Variants in MYOZ2 observed in about 807,000 individuals in gnomAD.
MYOZ2 encodes the protein myozenin-2.
A neutral mutation model predicts 25.4 loss-of-function variants in MYOZ2; 19 were observed. The observed-to-expected ratio is 0.75, with a 90% CI of 0.52 to 1.10. The LOEUF (loss-of-function observed/expected upper bound fraction) is 1.10, where lower values mean the gene tolerates loss of function less well. Among genes scored for constraint, MYOZ2 ranks in the 50% least tolerant of loss-of-function variants. The probability of loss-of-function intolerance (pLI) is 0.00; values close to 1 mark genes in which losing one functional copy is unlikely to be tolerated. For missense variants in MYOZ2, 270 were observed against 317.9 expected, an observed-to-expected ratio of 0.85 and a Z score of 1.15; for synonymous variants, 92 against 106.9, an observed-to-expected ratio of 0.86 and a Z score of 0.86.
intron 3 of MYOZ2, among the ~76,000 whole-genome samples, chr4:119,156,306 G>C (rs772861094): frequency 6.6e-6 from 1 of 151,358 alleles, no homozygotes; most frequent in Admixed American, 6.6e-5. Flanking sequence ...GGGGAATCTT[G>C]ATCTATGATC....
At chr4:119,137,938 C>A (rs559567885) in intron 2 of MYOZ2, among the ~76,000 whole-genome samples, 1 of 152,100 alleles carries the variant, frequency 6.6e-6, no homozygotes, top group East Asian at 1.9e-4. Context: ...TAAAATAGAC[C>A]TTTCATGTTA....
intron 5 of MYOZ2, among the ~76,000 whole-genome samples, chr4:119,183,939 T>C (rs958712854): frequency 2.6e-5 from 4 of 151,580 alleles, no homozygotes; most frequent in Non-Finnish European, 5.9e-5. Context: ...CTCAGCCTCC[T>C]GAGTAGCTGG....
rs573571722 is a variant in MYOZ2, at chr4:119,187,235, G to A, written c.*1035G>A. On this transcript the variant is annotated 3_prime_UTR_variant, in exon 6 of 6. Coordinates refer to ENST00000307128, the MANE Select transcript of MYOZ2 (RefSeq NM_016599.5). ...AGACACAAACTAATATAAAGTTATA[G>A]TTATATCTTAAAATATAATTGAAGA... 2 of 152,188 alleles carry A rather than the reference G, an allele frequency of 1.3e-5. No individual in the cohort carries two copies. The highest frequency in any genetic ancestry group is 4.8e-5 in the African/African-American group (2 of 41,534). The allele number at this position is 152,188 out of a possible 1,614,324, so 9.4% of individuals were successfully genotyped here. A position where few individuals can be genotyped will look rare whatever the true frequency, so the allele number is the denominator to read the frequency against.
chr4:119,184,601 A>G (rs929676824), intron 5 of MYOZ2, among the ~76,000 whole-genome samples: 1 of 152,202 alleles, frequency 6.6e-6, no homozygotes, highest in Non-Finnish European at 1.5e-5. Context: ...ATATTTTTGT[A>G]TATGTTTATG....
intron 5 of MYOZ2, among the ~76,000 whole-genome samples, chr4:119,176,572 T>C (rs1742077205): frequency 6.6e-6 from 1 of 152,172 alleles, no homozygotes; most frequent in South Asian, 2.1e-4. Context: ...TGATAAAATA[T>C]CATCTTGAAC....
rs1285305614 is a variant in MYOZ2, at chr4:119,186,572, T to C, written c.*372T>C. The C allele has an allele frequency of 4.3e-6, 1 of 235,262 alleles. No individual in the cohort carries two copies. Among genetic ancestry groups the C allele is most frequent in the African/African-American group, 2.3e-5 (1 of 42,582 alleles). The allele number at this position is 235,262 out of a possible 1,614,324, so 14.6% of individuals were successfully genotyped here. ...TCTAGAATCAAAATACAGGGAGAGA[T>C]ATGAAGACCTATTCAGAGTTTCATC... On this transcript the variant is annotated 3_prime_UTR_variant, in exon 6 of 6. Transcript: ENST00000307128.
intron 2 of MYOZ2, among the ~76,000 whole-genome samples, chr4:119,148,694 T>G (rs6834980): frequency 0.58 from 84,712 of 145,168 alleles, 27,193 homozygotes; most frequent in Non-Finnish European, 0.72. Context: ...ATTTTTGTTT[T>G]GTTCTTTATA....
chr4:119,167,760 G>C (rs911454820), intron 5 of MYOZ2, among the ~76,000 whole-genome samples: 2 of 152,166 alleles, frequency 1.3e-5, no homozygotes, highest in African/African-American at 4.8e-5. Context: ...GGGCCCTTGA[G>C]AATCATGCTA....
intron 2 of MYOZ2, among the ~76,000 whole-genome samples, chr4:119,143,270 A>G (rs934062702): frequency 1.3e-5 from 2 of 151,390 alleles, no homozygotes; most frequent in African/African-American, 2.4e-5. Context: ...ATCTCAGCTC[A>G]CTGCAACCTC....
chr4:119,164,158 G>A, intron 4 of MYOZ2, 53 bp from the exon 5 acceptor site: 1 of 1,511,048 alleles, frequency 6.6e-7, no homozygotes, highest in Non-Finnish European at 9.2e-7. Context: ...TTAGGTGGAG[G>A]TTAGTAACTC....
chr4:119,168,185 G>T (rs1481225533), intron 5 of MYOZ2, among the ~76,000 whole-genome samples: 1 of 152,164 alleles, frequency 6.6e-6, no homozygotes, highest in Non-Finnish European at 1.5e-5. Flanking sequence ...TGTTAGCCAG[G>T]ATGGTCTCTA....
chr4:119,166,294 C>T (rs1285308293), intron 5 of MYOZ2, among the ~76,000 whole-genome samples: 2 of 151,986 alleles, frequency 1.3e-5, no homozygotes, highest in Non-Finnish European at 2.9e-5. Context: ...AGGCCAGGTG[C>T]GTATGTACAG....
At chr4:119,153,159 G>A (rs1247022883) in intron 3 of MYOZ2, among the ~76,000 whole-genome samples, 1 of 149,772 alleles carries the variant, frequency 6.7e-6, no homozygotes, top group Admixed American at 6.7e-5. Context: ...TTAATGATCT[G>A]TGTGTTGCCC....
intron 5 of MYOZ2, among the ~76,000 whole-genome samples, chr4:119,174,743 C>G (rs961456216): frequency 7.2e-5 from 11 of 152,140 alleles, no homozygotes; most frequent in African/African-American, 2.7e-4. Flanking sequence ...CAGTGGCAAC[C>G]CGCTCGGGTC....
At chr4:119,162,842 A>G (rs1339436997) in intron 4 of MYOZ2, among the ~76,000 whole-genome samples, 1 of 152,228 alleles carries the variant, frequency 6.6e-6, no homozygotes, top group Non-Finnish European at 1.5e-5. Flanking sequence ...AAGTGATAAC[A>G]TTTGCTAAAA....
At chr4:119,175,985 C>T (rs188621553) in intron 5 of MYOZ2, among the ~76,000 whole-genome samples, 7 of 152,160 alleles carry the variant, frequency 4.6e-5, no homozygotes, top group East Asian at 1.9e-4. Context: ...TGTTCTGACC[C>T]GCCAGGTAGG....
intron 4 of MYOZ2, among the ~76,000 whole-genome samples, chr4:119,160,788 T>C (rs1382164050): frequency 6.6e-6 from 1 of 152,118 alleles, no homozygotes; most frequent in Admixed American, 6.5e-5. Context: ...CGTGTAATAA[T>C]TGTACATATT....
chr4:119,141,977 A>G (rs1741166265), intron 2 of MYOZ2, among the ~76,000 whole-genome samples: 1 of 152,160 alleles, frequency 6.6e-6, no homozygotes, highest in South Asian at 2.1e-4. Flanking sequence ...AAATTTAACT[A>G]TTAGAAGGGA....
chr4:119,158,290 G>C, intron 4 of MYOZ2, 139 bp downstream of exon 4: 1 of 1,185,824 alleles, frequency 8.4e-7, no homozygotes. Flanking sequence ...CCCCAGGCAC[G>C]GTGGCTCCCA....
Sources: gnomAD v4.1 joint callset for allele counts (sites outside exome capture counted in the v4.1 genomes callset) on GRCh38, gnomAD v4.1.1 for gene constraint, MANE v1.5 for transcripts, NCBI Gene and HGNC (gene_info 2026-07-23, HGNC 2026-07-21) for gene names.